The following AACS variants were observed in gnomAD, a reference collection of about 807,000 sequenced individuals.
AACS encodes the protein acetoacetate-CoA ligase.
In AACS, 69 loss-of-function variants were observed where a neutral mutation model predicts 83.1. That is an observed-to-expected ratio of 0.83 (90% CI 0.68 to 1.01). The LOEUF is 1.01. Ranked by LOEUF, AACS falls within the 50% of genes least tolerant of loss-of-function variation. The pLI is 0.00. For missense variants in AACS, 866 were observed against 882.2 expected, an observed-to-expected ratio of 0.98 and a Z score of 0.23; for synonymous variants, 333 against 343.4, an observed-to-expected ratio of 0.97 and a Z score of 0.33.
chr12:125,083,167 C>T (rs903128772), intron 3 of AACS, among the ~76,000 whole-genome samples: 1 of 152,200 alleles, frequency 6.6e-6, no homozygotes, highest in African/African-American at 2.4e-5. Flanking sequence ...CATCTGAAGG[C>T]TTGACTGAGG....
chr12:125,115,124 C>T (rs926321364), intron 9 of AACS, among the ~76,000 whole-genome samples: 1 of 152,186 alleles, frequency 6.6e-6, no homozygotes, highest in Non-Finnish European at 1.5e-5. Flanking sequence ...GCCTTCCTGC[C>T]CTTGTTGAGC....
chr12:125,099,190 G>A (rs1180073718), intron 5 of AACS, among the ~76,000 whole-genome samples: 1 of 152,216 alleles, frequency 6.6e-6, no homozygotes, highest in South Asian at 2.1e-4. Flanking sequence ...GCCTGTTGCT[G>A]TAGTCGATAA....
rs371679834 is a variant in AACS, at chr12:125,128,151, T to C, written c.1310-10T>C. The stretch of plus-strand genomic sequence containing the variant: ...CTAAATTTTGAGTCTCCCTTTGCCA[T>C]TGCTTGCAGGAGGCACCGACATCAT... On this transcript the variant is annotated splice_polypyrimidine_tract_variant and intron_variant, in intron 12 of 17. Transcript: ENST00000316519. 305 of 1,602,636 alleles carry C rather than the reference T, an allele frequency of 1.9e-4. 1 individual carries two copies. Among genetic ancestry groups the C allele is most frequent in the Middle Eastern group, 3.3e-4 (2 of 6,024 alleles).
chr12:125,112,473 G>A (rs528677034), intron 8 of AACS, among the ~76,000 whole-genome samples: 1 of 152,096 alleles, frequency 6.6e-6, no homozygotes, highest in Non-Finnish European at 1.5e-5. Flanking sequence ...AAGGTAAAGA[G>A]ATCGAGACCA....
At chr12:125,126,730 T>A (rs1957250520) in intron 12 of AACS, 1 of 152,084 alleles carries the variant, frequency 6.6e-6, no homozygotes, top group African/African-American at 2.4e-5. Context: ...CACAGGTGCA[T>A]GCCACCACGC....
intron 5 of AACS, among the ~76,000 whole-genome samples, chr12:125,098,558 T>C (rs937834756): frequency 1.3e-5 from 2 of 151,938 alleles, no homozygotes; most frequent in African/African-American, 4.8e-5. Context: ...TTCAAGTCAT[T>C]CTCCTGCCTC....
At chr12:125,117,799 A>G (rs1957082006) in intron 9 of AACS, 1 of 152,056 alleles carries the variant, frequency 6.6e-6, no homozygotes, top group Non-Finnish European at 1.5e-5. Flanking sequence ...TAGCCTGGAC[A>G]ACAAAGTGAG....
chr12:125,111,045 A>AG (rs1403039404), intron 8 of AACS, among the ~76,000 whole-genome samples: 1 of 143,148 alleles, frequency 7.0e-6, no homozygotes, highest in South Asian at 2.3e-4. Flanking sequence ...GGTGGGAGCG[A>AG]GGGGCTGAGG....
chr12:125,138,805 G>A (rs1214281273), intron 17 of AACS: 3 of 152,072 alleles, frequency 2.0e-5, no homozygotes, highest in Non-Finnish European at 2.9e-5. Context: ...GAGCCCTCAC[G>A]GCAGGCTTAG....
intron 2 of AACS, among the ~76,000 whole-genome samples, chr12:125,075,938 A>G (rs1956010761): frequency 6.6e-6 from 1 of 152,194 alleles, no homozygotes; most frequent in Non-Finnish European, 1.5e-5. Context: ...AAACTTTTCA[A>G]TTCCTTACAC....
At chr12:125,071,524 C>G (rs1344351833) in intron 1 of AACS, among the ~76,000 whole-genome samples, 2 of 152,206 alleles carry the variant, frequency 1.3e-5, no homozygotes, top group African/African-American at 4.8e-5. Context: ...GATGCAAATT[C>G]ACGAAGTAGC....
At chr12:125,084,505 G>C (rs1956282509) in intron 3 of AACS, among the ~76,000 whole-genome samples, 1 of 151,792 alleles carries the variant, frequency 6.6e-6, no homozygotes, top group African/African-American at 2.4e-5. Flanking sequence ...CTGGGCTCAA[G>C]TGATCGTCCC....
chr12:125,119,243 T>A (rs1957111978), intron 10 of AACS, among the ~76,000 whole-genome samples: 1 of 152,188 alleles, frequency 6.6e-6, no homozygotes, highest in Non-Finnish European at 1.5e-5. Flanking sequence ...TTAGCAAAGT[T>A]CCAGCACTTA....
At chr12:125,138,650 G>A (rs972018546) in intron 17 of AACS, 1 of 152,216 alleles carries the variant, frequency 6.6e-6, no homozygotes, top group Non-Finnish European at 1.5e-5. Context: ...TTCTTTCCCT[G>A]GTTGTCCTGG....
chr12:125,087,887 CCTCCTGT>C (rs1178219194), intron 4 of AACS, among the ~76,000 whole-genome samples: 3 of 152,198 alleles, frequency 2.0e-5, no homozygotes, highest in African/African-American at 7.2e-5. Context: ...ATGCCGGCTG[CCTCCTGT>C]CTCAGCCCTT....
chr12:125,067,557 A>C (rs1955736412), intron 1 of AACS, among the ~76,000 whole-genome samples: 1 of 149,504 alleles, frequency 6.7e-6, no homozygotes, highest in South Asian at 2.1e-4. Flanking sequence ...TTTTTTTTTT[A>C]AGCCTCGCTT....
intron 10 of AACS, among the ~76,000 whole-genome samples, chr12:125,119,700 C>G (rs942327356): frequency 4.2e-4 from 64 of 152,152 alleles, no homozygotes; most frequent in African/African-American, 1.4e-3. Context: ...TCGTACGACA[C>G]ATGGGGATTA....
intron 1 of AACS, among the ~76,000 whole-genome samples, chr12:125,072,810 A>G (rs1955905489): frequency 6.6e-6 from 1 of 152,018 alleles, no homozygotes. Context: ...GGTGGGGAAA[A>G]GTTATTTTGA....
intron 10 of AACS, 121 bp downstream of exon 10, chr12:125,118,886 C>T: frequency 1.4e-6 from 2 of 1,381,620 alleles, no homozygotes; most frequent in African/African-American, 1.4e-5. Flanking sequence ...GCATGCTCTG[C>T]CTTTGTGGAC....
Sources: gnomAD v4.1 joint callset for allele counts (sites outside exome capture counted in the v4.1 genomes callset) on GRCh38, gnomAD v4.1.1 for gene constraint, MANE v1.5 for transcripts, NCBI Gene and HGNC (gene_info 2026-07-23, HGNC 2026-07-21) for gene names.